Variants in XPO5 observed in about 807,000 individuals in gnomAD.
XPO5 encodes the protein exportin-5.
XPO5 carries 46 observed loss-of-function variants against 160.6 expected under a neutral mutation model. The ratio of observed to expected loss-of-function variants is 0.29; its 90% CI spans 0.23 to 0.37. The LOEUF is 0.37. Among genes scored for constraint, XPO5 ranks in the 10% least tolerant of loss-of-function variants. The pLI, the probability that XPO5 is intolerant of heterozygous loss-of-function variation, is 1.00. For synonymous variants in XPO5, 537 were observed against 519.3 expected, an observed-to-expected ratio of 1.03 and a Z score of -0.46; for missense variants, 1,090 against 1,463.9, an observed-to-expected ratio of 0.74 and a Z score of 4.17.
chr6:43,539,265 C>T (rs184534573), intron 20 of XPO5: 36,310 of 1,475,294 alleles, frequency 0.025, 762 homozygotes, highest in African/African-American at 0.079. Context: ...GCGGTGGCCA[C>T]CTCCTTGGAG....
rs371263530 is a variant in XPO5, at chr6:43,556,893, C to T, written c.1313-929G>A. ...CCTATAATCCAGCACTTTGGGACGC[C>T]AAGGCAGGTGAATCAGCTGAGGTCG... On this transcript the variant is annotated intron_variant, in intron 12 of 31. Coordinates refer to ENST00000265351, the MANE Select transcript of XPO5 (RefSeq NM_020750.3). 3.3e-5 allele frequency among the ~76,000 whole-genome samples: 5 copies of T among 151,986 alleles called. No individual in the cohort carries two copies. In the East Asian group the frequency reaches 9.6e-4, roughly 29 times the overall value.
rs545552133 is a variant in XPO5 at position 43,539,293 on chromosome 6, G to A, written c.2343-5286C>T. ...CCTTGGAGCACTTAACACCCAGACC[G>A]ACGTGGCCACTGTAGTCCCCGATAG... On this transcript the variant is annotated intron_variant, in intron 20 of 31. Transcript: ENST00000265351. The A allele has an allele frequency of 9.9e-4, 1,517 of 1,536,774 alleles. 10 individuals are homozygous for A. In the African/African-American group the frequency reaches 0.016, roughly 16 times the overall value.
rs1280948385 is a variant in XPO5, at chr6:43,561,001, C to T, written c.1018G>A (p.Asp340Asn). 1 of 1,613,632 alleles carries T rather than the reference C, an allele frequency of 6.2e-7. No individual in the cohort carries two copies. The highest frequency in any genetic ancestry group is 1.3e-5 in the African/African-American group (1 of 74,924). The change falls in exon 10 of 32, where the codon GAT becomes AAT. Residue 340 changes from aspartate (D) to asparagine (N), a missense_variant. By Grantham distance (23) the Asp-to-Asn change is conservative (BLOSUM62 1). Around this residue, in one of 3 missense-constraint regions of XPO5, gnomAD observed 810 missense variants for 1,139.0 expected, o/e 0.71. Coordinates refer to ENST00000265351, the MANE Select transcript of XPO5 (RefSeq NM_020750.3). ...GNQLCALLGA[D>N]SDVETPSNFG... is the part of the protein sequence containing the mutation. ...TTTGATGGTGTTTCTACATCAGAAT[C>T]TGCACCCTGTAGGAGAAGACCACTA...
In XPO5 at chr6:43,549,799, C is replaced by T. The variant is rs146174452; in HGVS notation, c.1770+94G>A. On this transcript the variant is annotated intron_variant, in intron 16 of 31. Coordinates refer to ENST00000265351, the MANE Select transcript of XPO5 (RefSeq NM_020750.3). ...TGATAATCTACCACCCTTACTACCC[C>T]CTCCCATTTATATAAAAATATAAAC... 392 of 1,357,402 alleles carry T rather than the reference C, an allele frequency of 2.9e-4. 2 individuals carry two copies. The African/African-American group carries it at 4.9e-3, about 17-fold the overall frequency. 84.1% of individuals were successfully genotyped at this position (1,357,402 alleles called of 1,614,324 possible). A position where few individuals can be genotyped will look rare whatever the true frequency, so the allele number is the denominator to read the frequency against.
At chr6:43,561,285 TACAGAAAGA>T in intron 9 of XPO5, 1 of 354,638 alleles carries the variant, frequency 2.8e-6, no homozygotes, top group Non-Finnish European at 5.1e-6. Context: ...TTTCAGAAAT[TACAGAAAGA>T]AAAAAAATCT....
At chr6:43,568,860 G>A (rs1762841367) in intron 5 of XPO5, 123 bp from the exon 6 acceptor site, 1 of 825,112 alleles carries the variant, frequency 1.2e-6, no homozygotes, top group Non-Finnish European at 1.8e-6. Flanking sequence ...TTTCATCTTG[G>A]AAAATAACAC....
At chr6:43,553,647 C>T in intron 13 of XPO5, 144 bp from the exon 14 acceptor site, 1 of 1,402,480 alleles carries the variant, frequency 7.1e-7, no homozygotes, top group Non-Finnish European at 9.3e-7. Flanking sequence ...GTAATCTAAC[C>T]CCTCTCAGCT....
intron 2 of XPO5, among the ~76,000 whole-genome samples, chr6:43,572,927 G>C (rs1305934100): frequency 6.6e-6 from 1 of 152,156 alleles, no homozygotes; most frequent in African/African-American, 2.4e-5. Context: ...ATGCAGTTTT[G>C]ACATCAGTCA....
In XPO5 at chr6:43,575,976, G is replaced by C. The variant is rs539890742; in HGVS notation, c.-112C>G. 309 of 1,034,022 alleles carry C rather than the reference G, an allele frequency of 3.0e-4. 4 individuals are homozygous for C. The highest frequency in any genetic ancestry group is 2.6e-3 in the South Asian group (182 of 69,924). 64.1% of individuals were successfully genotyped at this position (1,034,022 alleles called of 1,614,324 possible). On this transcript the variant is annotated 5_prime_UTR_variant, in exon 1 of 32. Transcript: ENST00000265351. ...TACCGGGCCGCGGCGGGCGGCGGGG[G>C]TGGGAAGCTGGAGGAGGAGCGTTAG...
chr6:43,525,827 C>T lies in XPO5; in HGVS notation c.3066+12G>A. ...GCAAGGAGTAAAGGTATCACCTGCT[C>T]CTTCTACCCACCTCATGCTTCATCA... is the stretch of plus-strand genomic sequence containing the variant. On this transcript the variant is annotated intron_variant, in intron 28 of 31. Coordinates refer to ENST00000265351, the MANE Select transcript of XPO5 (RefSeq NM_020750.3). The T allele has an allele frequency of 1.2e-6, 2 of 1,613,894 alleles. No homozygotes were observed. Among genetic ancestry groups the T allele is most frequent in the Non-Finnish European group, 1.7e-6 (2 of 1,179,826 alleles).
intron 20 of XPO5, 112 bp from the exon 21 acceptor site, chr6:43,534,119 C>G (rs1794168190): frequency 1.4e-6 from 1 of 718,406 alleles, no homozygotes; most frequent in African/African-American, 1.8e-5. Flanking sequence ...CCCATCAACT[C>G]CTGGCAGGGG....
In XPO5 at chr6:43,542,102, GTAT is replaced by G. The variant is rs113916492; in HGVS notation, c.2342+4466_2342+4468del. On this transcript the variant is annotated intron_variant, in intron 20 of 31. Coordinates refer to ENST00000265351, the MANE Select transcript of XPO5 (RefSeq NM_020750.3). ...CCGGCCGATTTTAGAAATCTAGTGT[GTAT>G]TTTATACTTACAGTTCATCTCAATT... is the stretch of plus-strand genomic sequence containing the variant. Among the ~76,000 whole-genome samples, 57 of 152,066 alleles carry G rather than the reference GTAT, an allele frequency of 3.7e-4. 1 individual carries two copies. Among genetic ancestry groups the G allele is most frequent in the Middle Eastern group, 3.4e-3 (1 of 292 alleles).
At chr6:43,552,083 A>G (rs992162559) in intron 14 of XPO5, among the ~76,000 whole-genome samples, 4 of 152,114 alleles carry the variant, frequency 2.6e-5, no homozygotes, top group Admixed American at 6.5e-5. Flanking sequence ...CAGCTACTTT[A>G]TTTATATATC....
In XPO5 at chr6:43,523,763, A is replaced by C. The variant is rs1793352093; in HGVS notation, c.*105T>G. 1.3e-6 allele frequency: 2 copies of C among 1,564,772 alleles called. No individual in the cohort carries two copies. The highest frequency in any genetic ancestry group is 2.7e-5 in the African/African-American group (2 of 73,918). ...GACCTGGATCTCTTTCCAGGCTGACAGTGGTGGAAAGTGAGGTGGCAGTGC... is the reference window on the plus strand; with the variant it reads ...GACCTGGATCTCTTTCCAGGCTGACCGTGGTGGAAAGTGAGGTGGCAGTGC... On this transcript the variant is annotated 3_prime_UTR_variant, in exon 32 of 32. Coordinates refer to ENST00000265351, the MANE Select transcript of XPO5 (RefSeq NM_020750.3).
chr6:43,536,787 A>AAAAAAAG (rs1561869430), intron 20 of XPO5, among the ~76,000 whole-genome samples: 6 of 148,546 alleles, frequency 4.0e-5, no homozygotes, highest in African/African-American at 1.5e-4. Context: ...AAAAAAAAAA[A>AAAAAAAG]AAAGCAGCTT....
At chr6:43,530,556 T>C (rs183385625) in intron 23 of XPO5, 132 bp downstream of exon 23, 5 of 1,081,188 alleles carry the variant, frequency 4.6e-6, no homozygotes, top group South Asian at 1.9e-5. Flanking sequence ...TTTAATGACA[T>C]GATACACTTA....
At chr6:43,570,099 T>C (rs1582247859) in intron 5 of XPO5, among the ~76,000 whole-genome samples, 1 of 142,952 alleles carries the variant, frequency 7.0e-6, no homozygotes, top group East Asian at 2.1e-4. Context: ...GATCATGAGG[T>C]CAGGAGATCA....
intron 7 of XPO5, among the ~76,000 whole-genome samples, chr6:43,566,255 G>A (rs545512892): frequency 6.6e-6 from 1 of 152,262 alleles, no homozygotes; most frequent in East Asian, 1.9e-4. Flanking sequence ...TTAGCTGGGT[G>A]TGGTGGCACA....
At position 43,526,706 on chromosome 6, in the gene XPO5, C is replaced by T; in HGVS notation, c.2962G>A (p.Ala988Thr). The change falls in exon 27 of 32, where the codon GCT becomes ACT. Residue 988 changes from alanine (A) to threonine (T), a missense_variant. This residue lies in a region of XPO5 where 810 missense variants were observed against 1,139.0 expected (regional missense o/e 0.71). Coordinates refer to ENST00000265351, the MANE Select transcript of XPO5 (RefSeq NM_020750.3). The stretch of plus-strand genomic sequence containing the variant: ...TTACCGTCTCCATCTGCTGGGGGAG[C>T]ACTACTGTGGTCAGCACCCTTCTTT... Reference protein sequence around the residue: ...VSKKGADHSSAPPADGDDEEM... With the variant: ...VSKKGADHSSTPPADGDDEEM... 6.2e-7 allele frequency: 1 copy of T among 1,613,942 alleles called. No individual in the cohort carries two copies. Among genetic ancestry groups the T allele is most frequent in the Non-Finnish European group, 8.5e-7 (1 of 1,179,858 alleles).
Sources: gnomAD v4.1 joint callset for allele counts (sites outside exome capture counted in the v4.1 genomes callset) on GRCh38, gnomAD v4.1.1 for gene constraint, gnomAD v4.1.1 regional missense constraint, MANE v1.5 for transcripts, NCBI Gene and HGNC (gene_info 2026-07-23, HGNC 2026-07-21) for gene names.